Variants in RALGDS observed in about 807,000 individuals in gnomAD.
RALGDS encodes the protein ral guanine nucleotide exchange factor.
Under a neutral mutation model 99.8 loss-of-function variants are expected in RALGDS, and 44 were observed. The ratio of observed to expected loss-of-function variants is 0.44; its 90% CI spans 0.35 to 0.57. The LOEUF is 0.57. Among genes scored for constraint, RALGDS ranks in the 20% least tolerant of loss-of-function variants. The pLI is 0.01. For missense variants in RALGDS, 1,022 were observed against 1,203.1 expected (o/e 0.85, Z 2.23); for synonymous variants, 529 against 505.0 (o/e 1.05, Z -0.64).
intron 1 of RALGDS, among the ~76,000 whole-genome samples, chr9:133,148,680 A>G (rs752348416): frequency 6.6e-6 from 1 of 152,182 alleles, no homozygotes; most frequent in Non-Finnish European, 1.5e-5. Context: ...GTCATTCCCA[A>G]AGCAAACCCC....
chr9:133,142,028 C>T (rs903765283), intron 1 of RALGDS, among the ~76,000 whole-genome samples: 1 of 152,260 alleles, frequency 6.6e-6, no homozygotes, highest in African/African-American at 2.4e-5. Flanking sequence ...CGAGCCATCG[C>T]TGTGCTTTCT....
intron 1 of RALGDS, among the ~76,000 whole-genome samples, chr9:133,127,844 G>A (rs530230508): frequency 6.6e-6 from 1 of 152,352 alleles, no homozygotes; most frequent in Non-Finnish European, 1.5e-5. Context: ...TGGCAGATGT[G>A]ACAGCAACCC....
At chr9:133,131,991 G>A (rs1366390021), upstream of RALGDS, among the ~76,000 whole-genome samples, 3 of 152,126 alleles carry the variant, frequency 2.0e-5, no homozygotes, top group Non-Finnish European at 4.4e-5. Context: ...TGCCTGCCCC[G>A]GTGCCAGGCA....
chr9:133,123,070 G>T (rs1008149064), upstream of RALGDS, among the ~76,000 whole-genome samples: 1 of 152,076 alleles, frequency 6.6e-6, no homozygotes, highest in Non-Finnish European at 1.5e-5. Flanking sequence ...CCTAGAGGCT[G>T]TTTAGGAAGC....
chr9:133,114,785 C>T (rs1173832876), intron 1 of RALGDS, among the ~76,000 whole-genome samples: 2 of 152,242 alleles, frequency 1.3e-5, no homozygotes, highest in Admixed American at 6.5e-5. Context: ...CCTGTCCCAC[C>T]CCTAGCAGGC....
At chr9:133,106,868 G>T in intron 7 of RALGDS, 120 bp from the exon 8 acceptor site, 1 of 944,110 alleles carries the variant, frequency 1.1e-6, no homozygotes, top group Non-Finnish European at 1.7e-6. Flanking sequence ...GTCCCCAGAG[G>T]GCACGCCTGC....
chr9:133,125,085 C>T (rs752841097), upstream of RALGDS, among the ~76,000 whole-genome samples: 5 of 152,182 alleles, frequency 3.3e-5, no homozygotes, highest in South Asian at 4.1e-4. Flanking sequence ...GGGTCAGAGA[C>T]GTCTAACAAA....
At chr9:133,133,419 T>C (rs1474236033), upstream of RALGDS, among the ~76,000 whole-genome samples, 2 of 152,168 alleles carry the variant, frequency 1.3e-5, no homozygotes, top group Non-Finnish European at 2.9e-5. Flanking sequence ...ACCCACGTGG[T>C]CCCTGGCCCT....
chr9:133,102,948 C>G (rs768574879), intron 12 of RALGDS, 48 bp from the exon 13 acceptor site: 1 of 1,608,068 alleles, frequency 6.2e-7, no homozygotes, highest in Non-Finnish European at 8.5e-7. Flanking sequence ...CCCCGGGCAG[C>G]ACAGGGGCCA....
intron 3 of RALGDS, among the ~76,000 whole-genome samples, 180 bp downstream of exon 3, chr9:133,110,116 C>G (rs754517885): frequency 6.6e-6 from 1 of 152,202 alleles, no homozygotes; most frequent in Non-Finnish European, 1.5e-5. Context: ...GCACTTTCCA[C>G]GCCTCATCCC....
chr9:133,104,473 C>A, intron 9 of RALGDS, 142 bp from the exon 10 acceptor site: 1 of 743,952 alleles, frequency 1.3e-6, no homozygotes, highest in South Asian at 1.6e-5. Context: ...GGCCGGTGGC[C>A]TGGCCTTCCT....
chr9:133,110,567 C>T (rs1831293979), intron 2 of RALGDS, 78 bp from the exon 3 acceptor site: 5 of 1,301,772 alleles, frequency 3.8e-6, no homozygotes, highest in Non-Finnish European at 5.5e-6. Context: ...ACCCCGAGCC[C>T]TCAGCAGCTT....
chr9:133,110,071 G>A (rs540860832), intron 3 of RALGDS, among the ~76,000 whole-genome samples: 10 of 152,310 alleles, frequency 6.6e-5, no homozygotes, highest in South Asian at 2.1e-4. Flanking sequence ...CCACAGCCCC[G>A]CAGCCCATTC....
chr9:133,134,264 C>T (rs899164929), upstream of RALGDS, among the ~76,000 whole-genome samples: 3 of 152,184 alleles, frequency 2.0e-5, no homozygotes, highest in Admixed American at 6.5e-5. Flanking sequence ...CTCCCAGGGA[C>T]GGGGGCATCA....
At chr9:133,102,652 G>T in intron 13 of RALGDS, 81 bp from the exon 14 acceptor site, 1 of 1,604,140 alleles carries the variant, frequency 6.2e-7, no homozygotes. Flanking sequence ...AGCTGGAGTC[G>T]GGGTGCCCCG....
At chr9:133,110,547 C>T in intron 2 of RALGDS, 58 bp from the exon 3 acceptor site, 27 of 1,482,390 alleles carry the variant, frequency 1.8e-5, no homozygotes, top group Non-Finnish European at 2.4e-5. Flanking sequence ...TCTCCTGGAG[C>T]TCAGATGGAA....
At chr9:133,145,112 C>T (rs1264147947) in intron 1 of RALGDS, among the ~76,000 whole-genome samples, 1 of 152,188 alleles carries the variant, frequency 6.6e-6, no homozygotes, top group Non-Finnish European at 1.5e-5. Context: ...GCCTTGCTGA[C>T]CCCTGGATTT....
upstream of RALGDS, among the ~76,000 whole-genome samples, chr9:133,133,328 A>T (rs571427796): frequency 6.6e-6 from 1 of 152,330 alleles, no homozygotes; most frequent in South Asian, 2.1e-4. Flanking sequence ...GAGCAGCACC[A>T]GCTGCCACGC....
intron 1 of RALGDS, among the ~76,000 whole-genome samples, chr9:133,143,813 TAATAATAA>T (rs1388556264): frequency 0.014 from 1,796 of 126,758 alleles, 41 homozygotes; most frequent in African/African-American, 0.054. Flanking sequence ...ATAATAATAA[TAATAATAA>T]AATAAAGGAA....
Sources: gnomAD v4.1 joint callset for allele counts (sites outside exome capture counted in the v4.1 genomes callset) on GRCh38, gnomAD v4.1.1 for gene constraint, MANE v1.5 for transcripts, NCBI Gene and HGNC (gene_info 2026-07-23, HGNC 2026-07-21) for gene names.